GALNT1: variants seen among roughly 807,000 people sequenced by gnomAD.
GALNT1 encodes GalNAc transferase 1.
GALNT1 carries 17 observed loss-of-function variants against 65.7 expected under a neutral mutation model. The observed-to-expected ratio is 0.26, with a 90% CI of 0.18 to 0.39. The LOEUF (loss-of-function observed/expected upper bound fraction) is 0.39, where lower values mean the gene tolerates loss of function less well. Among genes scored for constraint, GALNT1 ranks in the 10% least tolerant of loss-of-function variants. The pLI, the probability that GALNT1 is intolerant of heterozygous loss-of-function variation, is 1.00. For missense variants in GALNT1, 460 were observed against 672.8 expected (o/e 0.68, Z 3.50); for synonymous variants, 210 against 219.7 (o/e 0.96, Z 0.39).
rs780691930 is a variant in GALNT1 at position 35,683,651 on chromosome 18, A to G, written c.689+53A>G. The stretch of plus-strand genomic sequence containing the variant: ...TTTTAGTACATTTGTCCTAAACTAT[A>G]TGGTGAGTTGCCAAATTCTATATTT... On this transcript the variant is annotated intron_variant, in intron 5 of 11. Transcript: ENST00000269195. 127 of 1,364,526 alleles carry G rather than the reference A, an allele frequency of 9.3e-5. 1 individual carries two copies. The highest frequency in any genetic ancestry group is 2.4e-4 in the East Asian group (10 of 42,318). The allele number at this position is 1,364,526 out of a possible 1,614,324, so 84.5% of individuals were successfully genotyped here.
At chr18:35,665,648 G>A (rs912968966) in intron 3 of GALNT1, among the ~76,000 whole-genome samples, 3 of 152,168 alleles carry the variant, frequency 2.0e-5, no homozygotes, top group Non-Finnish European at 2.9e-5. Context: ...CAATCAAAAG[G>A]TTATTAATCA....
intron 1 of GALNT1, among the ~76,000 whole-genome samples, chr18:35,651,157 A>C (rs770933300): frequency 8.5e-5 from 13 of 152,110 alleles, no homozygotes; most frequent in Non-Finnish European, 1.6e-4. Context: ...CCTGAACCTT[A>C]TTAAAGGTCT....
intron 1 of GALNT1, among the ~76,000 whole-genome samples, chr18:35,640,871 T>C (rs1316021895): frequency 6.6e-6 from 1 of 152,222 alleles, no homozygotes; most frequent in Non-Finnish European, 1.5e-5. Context: ...GGGAATGACA[T>C]TGAATCCCTG....
intron 1 of GALNT1, among the ~76,000 whole-genome samples, chr18:35,644,196 G>A (rs1446593852): frequency 6.6e-6 from 1 of 152,148 alleles, no homozygotes; most frequent in Non-Finnish European, 1.5e-5. Context: ...AGGTTTTAAT[G>A]GAATGTGGAC....
At chr18:35,634,746 G>C (rs1277495437) in intron 1 of GALNT1, among the ~76,000 whole-genome samples, 1 of 152,124 alleles carries the variant, frequency 6.6e-6, no homozygotes, top group East Asian at 1.9e-4. Context: ...ATACAATGTT[G>C]TTTGTAAAGT....
At chr18:35,704,212 G>C (rs1368405146) in intron 11 of GALNT1, among the ~76,000 whole-genome samples, 1 of 152,094 alleles carries the variant, frequency 6.6e-6, no homozygotes, top group East Asian at 1.9e-4. Flanking sequence ...GCTTTTGCCA[G>C]GTTCTGGAAC....
At chr18:35,682,752 T>C (rs1204317518) in intron 4 of GALNT1, among the ~76,000 whole-genome samples, 2 of 152,022 alleles carry the variant, frequency 1.3e-5, no homozygotes, top group East Asian at 3.9e-4. Context: ...CCCTTTCCCC[T>C]TTTGCCCACT....
At chr18:35,607,809 T>C (rs2046670457) in intron 1 of GALNT1, among the ~76,000 whole-genome samples, 1 of 152,182 alleles carries the variant, frequency 6.6e-6, no homozygotes, top group Non-Finnish European at 1.5e-5. Flanking sequence ...CTTCCTGTCA[T>C]ATATCAACTA....
intron 1 of GALNT1, among the ~76,000 whole-genome samples, chr18:35,640,093 C>G (rs556664585): frequency 6.6e-6 from 1 of 152,226 alleles, no homozygotes; most frequent in Admixed American, 6.5e-5. Context: ...CCACCATGTC[C>G]AGCCTTAACT....
chr18:35,585,460 T>G (rs1178266201), intron 1 of GALNT1, among the ~76,000 whole-genome samples: 1 of 152,244 alleles, frequency 6.6e-6, no homozygotes. Context: ...CATTTATATC[T>G]GTGTGTCCTC....
chr18:35,590,864 C>A (rs540181730), intron 1 of GALNT1, among the ~76,000 whole-genome samples: 9 of 152,232 alleles, frequency 5.9e-5, no homozygotes, highest in African/African-American at 2.2e-4. Flanking sequence ...ATATTGTGTT[C>A]GTATTAGGAC....
chr18:35,687,085 T>TA lies in GALNT1; in HGVS notation c.760dup (p.Met254AsnfsTer28). The TA allele has an allele frequency of 6.2e-7, 1 of 1,613,958 alleles. No individual in the cohort carries two copies. Reference sequence around the variant, plus strand: ...CTTTTGAGTACATGGCAGGCTCTGATATGACCTATGGTGGGTTCAACTGGA... The same window carrying TA: ...CTTTTGAGTACATGGCAGGCTCTGATAATGACCTATGGTGGGTTCAACTGGA... On this transcript the variant is annotated frameshift_variant, in exon 6 of 12. Transcript: ENST00000269195. LOFTEE classifies it high-confidence loss of function.
chr18:35,706,874 TTATCTG>T (rs954856221), intron 11 of GALNT1, among the ~76,000 whole-genome samples: 13 of 152,152 alleles, frequency 8.5e-5, no homozygotes, highest in African/African-American at 2.9e-4. Context: ...CTTATGTCCA[TTATCTG>T]TAATCTAAAA....
chr18:35,633,339 A>G (rs2047043562), intron 1 of GALNT1, among the ~76,000 whole-genome samples: 1 of 152,146 alleles, frequency 6.6e-6, no homozygotes, highest in Admixed American at 6.5e-5. Flanking sequence ...TGTGGCACAT[A>G]TACACCATGG....
At chr18:35,632,477 T>C (rs1429854880) in intron 1 of GALNT1, among the ~76,000 whole-genome samples, 1 of 152,208 alleles carries the variant, frequency 6.6e-6, no homozygotes, top group Non-Finnish European at 1.5e-5. Flanking sequence ...CCAATGGTGC[T>C]GGGAAAACTG....
chr18:35,689,064 ATAAG>A, intron 6 of GALNT1, 105 bp from the exon 7 acceptor site: 1 of 751,610 alleles, frequency 1.3e-6, no homozygotes, highest in Non-Finnish European at 2.4e-6. Context: ...GAGTGTGAGA[ATAAG>A]TACTTACTCA....
intron 1 of GALNT1, among the ~76,000 whole-genome samples, chr18:35,645,012 G>GAATA (rs201829030): frequency 6.6e-6 from 1 of 151,510 alleles, no homozygotes; most frequent in African/African-American, 2.4e-5. Flanking sequence ...ATAAGTAAAT[G>GAATA]AATAAATAAA....
intron 1 of GALNT1, among the ~76,000 whole-genome samples, chr18:35,649,131 A>T (rs774732265): frequency 6.6e-5 from 10 of 152,158 alleles, no homozygotes; most frequent in Non-Finnish European, 1.5e-4. Flanking sequence ...TGTGGGGAGA[A>T]ACTCCCCTGT....
chr18:35,658,879 T>G (rs2047436231), intron 2 of GALNT1, among the ~76,000 whole-genome samples: 2 of 151,934 alleles, frequency 1.3e-5, no homozygotes, highest in Admixed American at 1.3e-4. Context: ...CCAGCTAATT[T>G]TTGTATTTTT....
Sources: allele counts gnomAD v4.1 joint callset (sites outside exome capture counted in the v4.1 genomes callset), GRCh38; gene constraint gnomAD v4.1.1; transcripts MANE v1.5; gene names NCBI Gene and HGNC (gene_info 2026-07-23, HGNC 2026-07-21).